Variants in HPSE2 observed in about 807,000 individuals in gnomAD.
HPSE2 encodes inactive heparanase-2.
In HPSE2, 38 loss-of-function variants were observed where a neutral mutation model predicts 60.5. That is an observed-to-expected ratio of 0.63 (90% CI 0.48 to 0.82). The LOEUF is 0.82. Ranked by LOEUF, HPSE2 falls within the 40% of genes least tolerant of loss-of-function variation. HPSE2 has a pLI of 0.00. For synonymous variants in HPSE2, 295 were observed against 293.2 expected (o/e 1.01, Z -0.06); for missense variants, 713 against 740.4 (o/e 0.96, Z 0.43).
At chr10:98,897,775 T>C (rs953969792) in intron 3 of HPSE2, among the ~76,000 whole-genome samples, 1 of 152,142 alleles carries the variant, frequency 6.6e-6, no homozygotes, top group Non-Finnish European at 1.5e-5. Flanking sequence ...GGTTGAGACC[T>C]TGGGTTTGGT....
At chr10:98,909,102 A>G (rs188403852) in intron 3 of HPSE2, among the ~76,000 whole-genome samples, 62 of 152,286 alleles carry the variant, frequency 4.1e-4, no homozygotes, top group Admixed American at 4.0e-3. Context: ...TGGAGCCACA[A>G]ACAGAAATAT....
chr10:98,982,883 C>T (rs1463969702), intron 3 of HPSE2, among the ~76,000 whole-genome samples: 2 of 152,212 alleles, frequency 1.3e-5, no homozygotes, highest in African/African-American at 4.8e-5. Flanking sequence ...TGGCTGATCA[C>T]TTGAATTACT....
chr10:98,604,235 T>C (rs1945514285), intron 9 of HPSE2, among the ~76,000 whole-genome samples: 1 of 151,508 alleles, frequency 6.6e-6, no homozygotes, highest in Non-Finnish European at 1.5e-5. Flanking sequence ...AAGGCTCTAA[T>C]GGACAAAGCA....
At chr10:98,736,076 T>C (rs1482888576) in intron 4 of HPSE2, among the ~76,000 whole-genome samples, 2 of 152,132 alleles carry the variant, frequency 1.3e-5, no homozygotes, top group Non-Finnish European at 2.9e-5. Context: ...GTAGCTTCCA[T>C]AATTCCCATG....
At chr10:98,814,190 G>A (rs1019704620) in intron 3 of HPSE2, among the ~76,000 whole-genome samples, 1 of 151,520 alleles carries the variant, frequency 6.6e-6, no homozygotes, top group Non-Finnish European at 1.5e-5. Context: ...ATTTGATACT[G>A]AGTTTTTTAA....
chr10:98,778,253 T>TGAGAGA (rs1589811556), intron 3 of HPSE2, among the ~76,000 whole-genome samples: 5 of 23,944 alleles, frequency 2.1e-4, no homozygotes, highest in African/African-American at 6.3e-4. Context: ...GGATGCTCAG[T>TGAGAGA]GAGAGAGAGA....
In HPSE2 at chr10:98,459,470, G is replaced by C. The variant is rs1261252356; in HGVS notation, c.*104C>G. ...GTGTTGATTCCAGCAGGATGGGGCA[G>C]CAGGGGCTGGTTGCTAGGATGTCTG... On this transcript the variant is annotated 3_prime_UTR_variant, in exon 12 of 12. Coordinates refer to ENST00000370552, the MANE Select transcript of HPSE2 (RefSeq NM_021828.5). 1 of 1,206,628 alleles carries C rather than the reference G, an allele frequency of 8.3e-7. No individual in the cohort carries two copies. Among genetic ancestry groups the C allele is most frequent in the Non-Finnish European group, 1.2e-6 (1 of 810,910 alleles). The allele number at this position is 1,206,628 out of a possible 1,614,324, so 74.7% of individuals were successfully genotyped here.
chr10:99,305,979 G>GCGCGCGCGCGCGCACGCACACACA, the HPSE2 span, among the ~76,000 whole-genome samples: 2 of 80,580 alleles, frequency 2.5e-5, no homozygotes, highest in Non-Finnish European at 4.8e-5. Flanking sequence ...GCGCGCGCGC[G>GCGCGCGCGCGCGCACGCACACACA]CACACACACA....
chr10:98,496,092 T>C lies in HPSE2; in HGVS notation c.1321-5896A>G, dbSNP rs115317862. On this transcript the variant is annotated intron_variant, in intron 9 of 11. Transcript: ENST00000370552. ...AAGTGTGGGTGAGTATGTGTGTGTTTAATTATTGTAGGCTGCCTCTGTGCC... is the reference window on the plus strand; with the variant it reads ...AAGTGTGGGTGAGTATGTGTGTGTTCAATTATTGTAGGCTGCCTCTGTGCC... Among the ~76,000 whole-genome samples, 388 of 152,120 alleles carry C rather than the reference T, an allele frequency of 2.6e-3. 2 individuals are homozygous for C. Among genetic ancestry groups the C allele is most frequent in the African/African-American group, 8.8e-3 (367 of 41,522 alleles).
intron 3 of HPSE2, among the ~76,000 whole-genome samples, chr10:98,770,515 A>G (rs1350134346): frequency 6.6e-6 from 1 of 152,186 alleles, no homozygotes; most frequent in Non-Finnish European, 1.5e-5. Context: ...ACAGTAGCCA[A>G]GGATATTAAG....
At chr10:99,169,936 T>C (rs1464533145) in intron 2 of HPSE2, among the ~76,000 whole-genome samples, 6 of 152,128 alleles carry the variant, frequency 3.9e-5, no homozygotes, top group Admixed American at 3.9e-4. Flanking sequence ...TCTTTCTAAA[T>C]TAAAAAAACA....
chr10:99,197,041 T>C (rs1848422972), intron 2 of HPSE2, among the ~76,000 whole-genome samples: 1 of 152,102 alleles, frequency 6.6e-6, no homozygotes, highest in African/African-American at 2.4e-5. Flanking sequence ...TATTCAGCCA[T>C]AAAAAGGAAT....
intron 11 of HPSE2, among the ~76,000 whole-genome samples, chr10:98,478,530 G>C (rs1345090310): frequency 6.6e-6 from 1 of 152,164 alleles, no homozygotes; most frequent in Non-Finnish European, 1.5e-5. Flanking sequence ...TGATTAATAG[G>C]CTACCTCCTG....
chr10:98,722,933 T>C (rs898538238), intron 4 of HPSE2, among the ~76,000 whole-genome samples: 1 of 152,198 alleles, frequency 6.6e-6, no homozygotes, highest in African/African-American at 2.4e-5. Flanking sequence ...GACTTCCTCT[T>C]TTCCTAATTG....
At chr10:99,078,218 T>G (rs1843013036) in intron 3 of HPSE2, among the ~76,000 whole-genome samples, 1 of 152,176 alleles carries the variant, frequency 6.6e-6, no homozygotes, top group Non-Finnish European at 1.5e-5. Flanking sequence ...GTAACACAAA[T>G]AGACCAACAC....
At chr10:98,710,163 T>C (rs1477219961) in intron 5 of HPSE2, among the ~76,000 whole-genome samples, 1 of 152,280 alleles carries the variant, frequency 6.6e-6, no homozygotes, top group South Asian at 2.1e-4. Flanking sequence ...AGCCACTTAC[T>C]TTTTCATGGT....
chr10:99,155,216 T>A (rs11498540), intron 2 of HPSE2, among the ~76,000 whole-genome samples: 4,982 of 143,104 alleles, frequency 0.035, 218 homozygotes, highest in African/African-American at 0.11. Flanking sequence ...TCAACAAGGA[T>A]ACCCAGGAAT....
At position 99,210,871 on chromosome 10, in the gene HPSE2, T is replaced by C. The variant is rs577197241; in HGVS notation, c.448+21477A>G. On this transcript the variant is annotated intron_variant, in intron 2 of 11. Coordinates refer to ENST00000370552, the MANE Select transcript of HPSE2 (RefSeq NM_021828.5). ...GCTAAGATGAGGAATAAGATAAAGATGCCCTCTCTCACCACTTCTATTCAA... is the reference window on the plus strand; with the variant it reads ...GCTAAGATGAGGAATAAGATAAAGACGCCCTCTCTCACCACTTCTATTCAA... 1.1e-4 allele frequency among the ~76,000 whole-genome samples: 16 copies of C among 152,286 alleles called. No homozygotes were observed. The South Asian group carries it at 3.3e-3, about 32-fold the overall frequency.
chr10:98,775,393 A>T (rs961790900), intron 3 of HPSE2, among the ~76,000 whole-genome samples: 23 of 152,198 alleles, frequency 1.5e-4, no homozygotes, highest in African/African-American at 5.1e-4. Flanking sequence ...TCTCACATAC[A>T]TCGAAGGGTA....
Sources: gnomAD v4.1 joint callset for allele counts (sites outside exome capture counted in the v4.1 genomes callset) on GRCh38, gnomAD v4.1.1 for gene constraint, MANE v1.5 for transcripts, NCBI Gene and HGNC (gene_info 2026-07-23, HGNC 2026-07-21) for gene names.